Variants in ANP32B observed in about 807,000 individuals in gnomAD.
ANP32B encodes the protein acidic leucine-rich nuclear phosphoprotein 32 family member B.
A neutral mutation model predicts 32.2 loss-of-function variants in ANP32B; 6 were observed. The observed-to-expected ratio is 0.19, with a 90% CI of 0.10 to 0.37. ANP32B has a LOEUF of 0.37. ANP32B is among the 10% of genes least tolerant of loss of function. The pLI is 1.00. For synonymous variants in ANP32B, 98 were observed against 105.8 expected, an observed-to-expected ratio of 0.93 and a Z score of 0.45; for missense variants, 204 against 289.2, an observed-to-expected ratio of 0.71 and a Z score of 2.14.
At chr9:98,007,368 G>A (rs545282362) in intron 4 of ANP32B, among the ~76,000 whole-genome samples, 1 of 152,338 alleles carries the variant, frequency 6.6e-6, no homozygotes, top group Admixed American at 6.5e-5. Context: ...ATGAATTGAT[G>A]ACATAGTAGA....
Position 98,015,908 on chromosome 9 carries a change from G to A in ANP32B, c.*477G>A. The A allele has an allele frequency of 2.0e-6, 2 of 979,662 alleles. No individual in the cohort carries two copies. The highest frequency in any genetic ancestry group is 2.4e-6 in the Non-Finnish European group (2 of 824,464). The allele number at this position is 979,662 out of a possible 1,614,324, so 60.7% of individuals were successfully genotyped here. On this transcript the variant is annotated 3_prime_UTR_variant, in exon 7 of 7. Transcript: ENST00000339399. The stretch of plus-strand genomic sequence containing the variant: ...ACAACTGCCAAAAAAGTATTTTTAA[G>A]AATTTAAGCGAAATAAACAGTTACT...
Position 98,015,513 on chromosome 9 carries a change from A to G in ANP32B, c.*82A>G. 1 of 1,491,166 alleles carries G rather than the reference A, an allele frequency of 6.7e-7. No individual in the cohort carries two copies. The highest frequency in any genetic ancestry group is 8.9e-7 in the Non-Finnish European group (1 of 1,120,398). The allele number at this position is 1,491,166 out of a possible 1,614,324, so 92.4% of individuals were successfully genotyped here. On this transcript the variant is annotated 3_prime_UTR_variant, in exon 7 of 7. Coordinates refer to ENST00000339399, the MANE Select transcript of ANP32B (RefSeq NM_006401.3). ...ATTTTGTAGCTGTTTAAAAAAAAAA[A>G]AAAGGTAGCTGTGATACAAACCCCA...
chr9:97,999,456 T>C (rs975921613), intron 3 of ANP32B, among the ~76,000 whole-genome samples: 5 of 152,224 alleles, frequency 3.3e-5, no homozygotes, highest in African/African-American at 9.6e-5. Flanking sequence ...CATGATCTTG[T>C]GTTCTAGCTG....
intron 4 of ANP32B, among the ~76,000 whole-genome samples, chr9:98,010,561 A>G (rs1641301993): frequency 6.6e-6 from 1 of 152,112 alleles, no homozygotes; most frequent in South Asian, 2.1e-4. Flanking sequence ...TGCCTAAGGA[A>G]GTGATGTTGA....
intron 6 of ANP32B, among the ~76,000 whole-genome samples, chr9:98,013,509 C>G (rs184491338): frequency 1.3e-5 from 2 of 152,312 alleles, no homozygotes; most frequent in East Asian, 3.9e-4. Context: ...CCTTTCCCCA[C>G]TACAACCAAG....
chr9:97,989,266 T>A (rs1259942925), intron 1 of ANP32B, among the ~76,000 whole-genome samples: 1 of 152,180 alleles, frequency 6.6e-6, no homozygotes, highest in Non-Finnish European at 1.5e-5. Flanking sequence ...GAAAAGGTAT[T>A]TGGCTGCAAT....
At chr9:98,013,771 C>T (rs1828228810) in intron 6 of ANP32B, among the ~76,000 whole-genome samples, 1 of 151,764 alleles carries the variant, frequency 6.6e-6, no homozygotes, top group Admixed American at 6.6e-5. Flanking sequence ...TGGTGGCACG[C>T]ACTCAAACCC....
chr9:97,991,126 CTTT>C (rs566405365), intron 1 of ANP32B, among the ~76,000 whole-genome samples: 1 of 144,422 alleles, frequency 6.9e-6, no homozygotes, highest in Non-Finnish European at 1.5e-5. Context: ...CCCAGCCAAA[CTTT>C]TTTTTTTTTT....
chr9:97,995,059 A>T (rs141913371), intron 2 of ANP32B, among the ~76,000 whole-genome samples: 1 of 152,220 alleles, frequency 6.6e-6, no homozygotes, highest in Non-Finnish European at 1.5e-5. Flanking sequence ...TGGGTGCTCA[A>T]TAAGTAGTAG....
At position 98,015,381 on chromosome 9, in the gene ANP32B, A is replaced by G; in HGVS notation, c.706A>G (p.Lys236Glu). Residue 236 changes from lysine (K) to glutamate (E), a missense_variant, in exon 7 of 7, where the codon AAA becomes GAA. By Grantham distance (56) the Lys-to-Glu change is moderately conservative. Coordinates refer to ENST00000339399, the MANE Select transcript of ANP32B (RefSeq NM_006401.3). Reference sequence around the variant, plus strand: ...CTGTACAGAGGAGGAAGAAGGTGGGAAAGGTGAAAAGAGGAAGAGAGAAAC... The same window carrying G: ...CTGTACAGAGGAGGAAGAAGGTGGGGAAGGTGAAAAGAGGAAGAGAGAAAC... ...DEDEEEEEGG[K>E]GEKRKRETDD... 1.3e-6 allele frequency: 2 copies of G among 1,550,938 alleles called. No individual in the cohort carries two copies. The highest frequency in any genetic ancestry group is 1.7e-6 in the Non-Finnish European group (2 of 1,146,784).
At chr9:98,001,819 T>A (rs1406238271) in intron 3 of ANP32B, among the ~76,000 whole-genome samples, 1 of 152,142 alleles carries the variant, frequency 6.6e-6, no homozygotes, top group Non-Finnish European at 1.5e-5. Flanking sequence ...ATACATTTAC[T>A]GGGTGCTTTA....
At chr9:97,984,864 G>T (rs955626593) in intron 1 of ANP32B, among the ~76,000 whole-genome samples, 3 of 150,638 alleles carry the variant, frequency 2.0e-5, no homozygotes, top group African/African-American at 7.3e-5. Flanking sequence ...GATTTTGGGC[G>T]GGCTTCGGCT....
chr9:97,986,115 C>T (rs1347030768), intron 1 of ANP32B, among the ~76,000 whole-genome samples: 3 of 152,250 alleles, frequency 2.0e-5, no homozygotes, highest in East Asian at 3.8e-4. Flanking sequence ...GCCACCGCCC[C>T]CGGCCACCAG....
chr9:98,003,948 T>A (rs1828035228), intron 3 of ANP32B, among the ~76,000 whole-genome samples: 1 of 152,230 alleles, frequency 6.6e-6, no homozygotes. Flanking sequence ...TTTCATAGGC[T>A]GCTCCCTCTT....
At chr9:98,009,674 C>T (rs1053722379) in intron 4 of ANP32B, among the ~76,000 whole-genome samples, 56 of 152,362 alleles carry the variant, frequency 3.7e-4, no homozygotes, top group Non-Finnish European at 7.5e-4. Flanking sequence ...TGCTGTGCGG[C>T]CCAGGCCACA....
At chr9:98,010,951 G>A (rs1351108917) in intron 4 of ANP32B, among the ~76,000 whole-genome samples, 1 of 151,956 alleles carries the variant, frequency 6.6e-6, no homozygotes, top group African/African-American at 2.4e-5. Context: ...GCAATTATTG[G>A]TCATAGCTGA....
intron 3 of ANP32B, among the ~76,000 whole-genome samples, chr9:98,000,671 C>T (rs556219437): frequency 6.6e-6 from 1 of 152,184 alleles, no homozygotes; most frequent in East Asian, 1.9e-4. Flanking sequence ...CGCCTGTAAT[C>T]CCAGCACTTT....
At chr9:97,991,450 T>G (rs1160609582) in intron 1 of ANP32B, among the ~76,000 whole-genome samples, 1 of 152,142 alleles carries the variant, frequency 6.6e-6, no homozygotes, top group Non-Finnish European at 1.5e-5. Context: ...TATTTGTGTC[T>G]TTTAGAGCTT....
intron 1 of ANP32B, chr9:97,984,733 G>C (rs1436899418): frequency 6.7e-6 from 1 of 150,256 alleles, no homozygotes; most frequent in Non-Finnish European, 1.5e-5. Flanking sequence ...GCTCCCACTG[G>C]CGGGAGCCGC....
Sources: gnomAD v4.1 joint callset for allele counts (sites outside exome capture counted in the v4.1 genomes callset) on GRCh38, gnomAD v4.1.1 for gene constraint, MANE v1.5 for transcripts, NCBI Gene and HGNC (gene_info 2026-07-23, HGNC 2026-07-21) for gene names.